The following MARK1 variants were observed in gnomAD, a reference collection of about 807,000 sequenced individuals.
MARK1 encodes the protein serine/threonine-protein kinase MARK1.
Under a neutral mutation model 96.3 loss-of-function variants are expected in MARK1, and 40 were observed. That is an observed-to-expected ratio of 0.42 (90% CI 0.32 to 0.54). The LOEUF is 0.54. Ranked by LOEUF, MARK1 falls within the 20% of genes least tolerant of loss-of-function variation. The pLI is 0.16. For missense variants in MARK1, 719 were observed against 984.6 expected (o/e 0.73, Z 3.61); for synonymous variants, 317 against 341.2 (o/e 0.93, Z 0.78).
rs1558301998 is a variant in MARK1, at chr1:220,618,285, GTTC to G, written c.553-22_553-20del. 7.2e-7 allele frequency: 1 copy of G among 1,393,410 alleles called. No individual in the cohort carries two copies. The highest frequency in any genetic ancestry group is 2.3e-5 in the East Asian group (1 of 43,732). The allele number at this position is 1,393,410 out of a possible 1,614,324, so 86.3% of individuals were successfully genotyped here. ...TTATTTTATGTAGGCTTTTTACATT[GTTC>G]TTTCTATTATTTTCCTCTTAGGCTG... On this transcript the variant is annotated intron_variant, in intron 7 of 17. Transcript: ENST00000366917. This position sits in a 1 kb window ranked among gnomAD's most constrained non-coding sequence, Gnocchi z 4.6.
chr1:220,530,043 G>A (rs1660206946), intron 1 of MARK1, among the ~76,000 whole-genome samples: 1 of 152,152 alleles, frequency 6.6e-6, no homozygotes, highest in Non-Finnish European at 1.5e-5. Context: ...AGGCATGAGA[G>A]AAAGGATACA....
intron 1 of MARK1, among the ~76,000 whole-genome samples, chr1:220,556,374 C>A (rs1028296590): frequency 1.3e-4 from 20 of 149,772 alleles, no homozygotes; most frequent in Admixed American, 1.1e-3. Context: ...AGTAGAAACC[C>A]CAAACTATGA....
intron 14 of MARK1, 95 bp downstream of exon 14, chr1:220,650,815 GC>G (rs1434548954): frequency 2.5e-6 from 2 of 792,438 alleles, no homozygotes; most frequent in African/African-American, 3.5e-5. Flanking sequence ...CAGGAGAAAA[GC>G]AGTTATTACA....
chr1:220,544,249 T>G (rs1419932007), intron 1 of MARK1, among the ~76,000 whole-genome samples: 1 of 152,126 alleles, frequency 6.6e-6, no homozygotes, highest in Non-Finnish European at 1.5e-5. Flanking sequence ...TGCTGTGGTG[T>G]GAATGTGCCT....
At chr1:220,529,223 C>G (rs1660141345) in intron 1 of MARK1, among the ~76,000 whole-genome samples, 1 of 152,162 alleles carries the variant, frequency 6.6e-6, no homozygotes, top group Non-Finnish European at 1.5e-5. Flanking sequence ...GTGCCCCCAC[C>G]CGAATGAATG....
chr1:220,607,608 A>G (rs1572166608), intron 6 of MARK1, among the ~76,000 whole-genome samples: 1 of 151,966 alleles, frequency 6.6e-6, no homozygotes, highest in African/African-American at 2.4e-5. Context: ...CCGGTTTTCA[A>G]AGGGAATGCT....
intron 16 of MARK1, among the ~76,000 whole-genome samples, chr1:220,657,293 A>T (rs910684431): frequency 2.0e-5 from 3 of 152,194 alleles, no homozygotes; most frequent in African/African-American, 7.2e-5. Context: ...GTGATATTTT[A>T]TCATGTGCAT....
intron 13 of MARK1, among the ~76,000 whole-genome samples, chr1:220,641,676 C>T (rs1276804173): frequency 4.0e-5 from 6 of 151,372 alleles, no homozygotes; most frequent in Admixed American, 2.6e-4. Flanking sequence ...CCGAGAGGAA[C>T]GCAAAAGGCG....
chr1:220,554,912 A>G (rs1572070440), intron 1 of MARK1, among the ~76,000 whole-genome samples: 1 of 152,210 alleles, frequency 6.6e-6, no homozygotes. Flanking sequence ...CCAGGAAGCA[A>G]TATTGCTTTT....
chr1:220,586,767 GACTA>G (rs1326491041), intron 3 of MARK1, among the ~76,000 whole-genome samples: 4 of 152,264 alleles, frequency 2.6e-5, no homozygotes, highest in Admixed American at 1.3e-4. Context: ...ATGAAGTTTA[GACTA>G]ACTATCTGGC....
At chr1:220,564,247 A>G (rs1662887762) in intron 1 of MARK1, among the ~76,000 whole-genome samples, 1 of 152,152 alleles carries the variant, frequency 6.6e-6, no homozygotes, top group Non-Finnish European at 1.5e-5. Flanking sequence ...TTGAAACAGT[A>G]TTCATTAACT....
At position 220,528,764 on chromosome 1, in the gene MARK1, G is replaced by C; in HGVS notation, c.-59G>C. 2.0e-6 allele frequency: 3 copies of C among 1,496,880 alleles called. No individual in the cohort carries two copies. The highest frequency in any genetic ancestry group is 2.7e-6 in the Non-Finnish European group (3 of 1,110,102). 92.7% of individuals were successfully genotyped at this position (1,496,880 alleles called of 1,614,324 possible). A position where few individuals can be genotyped will look rare whatever the true frequency, so the allele number is the denominator to read the frequency against. ...CCGCACCCCTTTCCTGTCGCCCCCCGGGGCCCGCACCACAGCCCGGCCGGC... is the reference window on the plus strand; with the variant it reads ...CCGCACCCCTTTCCTGTCGCCCCCCCGGGCCCGCACCACAGCCCGGCCGGC... On this transcript the variant is annotated 5_prime_UTR_variant, in exon 1 of 18. Coordinates refer to ENST00000366917, the MANE Select transcript of MARK1 (RefSeq NM_018650.5).
intron 17 of MARK1, among the ~76,000 whole-genome samples, chr1:220,658,934 C>T (rs1176400901): frequency 2.6e-5 from 4 of 152,158 alleles, no homozygotes; most frequent in African/African-American, 9.7e-5. Flanking sequence ...AGGACTTGTT[C>T]TTAGCCTCTC....
intron 1 of MARK1, among the ~76,000 whole-genome samples, chr1:220,551,204 G>A (rs1247295931): frequency 6.6e-6 from 1 of 152,206 alleles, no homozygotes; most frequent in African/African-American, 2.4e-5. Flanking sequence ...TCCAGCGGGA[G>A]CTGAAGGAGC....
intron 3 of MARK1, among the ~76,000 whole-genome samples, chr1:220,595,569 G>A (rs983860745): frequency 6.6e-6 from 1 of 152,230 alleles, no homozygotes; most frequent in African/African-American, 2.4e-5. Flanking sequence ...GCACTTGAGA[G>A]TCATGAGATA....
intron 1 of MARK1, among the ~76,000 whole-genome samples, chr1:220,548,442 T>C (rs1012508520): frequency 6.6e-6 from 1 of 152,144 alleles, no homozygotes; most frequent in Non-Finnish European, 1.5e-5. Context: ...TGTAATGATT[T>C]AGAGAACAAA....
At chr1:220,649,877 C>A (rs1324257043) in intron 13 of MARK1, among the ~76,000 whole-genome samples, 1 of 152,126 alleles carries the variant, frequency 6.6e-6, no homozygotes, top group African/African-American at 2.4e-5. Flanking sequence ...CATTGAAAAT[C>A]ATTTCTGTAT....
intron 1 of MARK1, among the ~76,000 whole-genome samples, chr1:220,573,873 A>G (rs1172090707): frequency 6.6e-6 from 1 of 151,818 alleles, no homozygotes; most frequent in African/African-American, 2.4e-5. Context: ...ATATTGTAGT[A>G]TATGTAGTAT....
chr1:220,588,356 A>G (rs1411341687), intron 3 of MARK1, among the ~76,000 whole-genome samples: 3 of 152,198 alleles, frequency 2.0e-5, no homozygotes, highest in Non-Finnish European at 2.9e-5. Context: ...TAATCTACCT[A>G]TGTGAAGACA....
Sources: allele counts gnomAD v4.1 joint callset (sites outside exome capture counted in the v4.1 genomes callset), GRCh38; gene constraint gnomAD v4.1.1; non-coding constraint Gnocchi (gnomAD v3.1); transcripts MANE v1.5; gene names NCBI Gene and HGNC (gene_info 2026-07-23, HGNC 2026-07-21).